SOBP: variants seen among roughly 807,000 people sequenced by gnomAD.
SOBP encodes the protein sine oculis binding protein homolog, also known as sine oculis-binding protein homolog.
In SOBP, 4 loss-of-function variants were observed where a neutral mutation model predicts 53.6. The observed-to-expected ratio is 0.07, with a 90% CI of 0.04 to 0.17. SOBP has a LOEUF of 0.17. SOBP is among the 10% of genes least tolerant of loss of function. The pLI is 1.00. For synonymous variants in SOBP, 584 were observed against 522.6 expected (o/e 1.12, Z -1.60); for missense variants, 1,088 against 1,204.7 (o/e 0.90, Z 1.43).
rs374572179 is a variant in SOBP at position 107,533,619 on chromosome 6, A to C, written c.573+9A>C. The C allele has an allele frequency of 1.9e-6, 3 of 1,613,608 alleles. No individual in the cohort carries two copies. The highest frequency in any genetic ancestry group is 2.5e-6 in the Non-Finnish European group (3 of 1,179,814). On this transcript the variant is annotated intron_variant, in intron 4 of 6. Coordinates refer to ENST00000317357, the MANE Select transcript of SOBP (RefSeq NM_018013.4). The stretch of plus-strand genomic sequence containing the variant: ...ACTTCAAGAGAAATAAGGTAAGAGC[A>C]CCGGAGAGAGAGGCGGCCCCCCACA...
At chr6:107,607,003 A>G (rs1324265645) in intron 5 of SOBP, among the ~76,000 whole-genome samples, 1 of 152,172 alleles carries the variant, frequency 6.6e-6, no homozygotes, top group Non-Finnish European at 1.5e-5. Flanking sequence ...GTCCTGAGAA[A>G]GGGGACTGGG....
chr6:107,614,801 T>C (rs1433700308), intron 5 of SOBP, among the ~76,000 whole-genome samples: 1 of 152,236 alleles, frequency 6.6e-6, no homozygotes, highest in Non-Finnish European at 1.5e-5. Flanking sequence ...GCAAAACCGG[T>C]ATCAAAAGGG....
chr6:107,606,244 T>C (rs1218473980), intron 5 of SOBP, among the ~76,000 whole-genome samples: 2 of 151,880 alleles, frequency 1.3e-5, no homozygotes, highest in Non-Finnish European at 2.9e-5. Flanking sequence ...GCCCAGCTAA[T>C]TTTTGTATTT....
At chr6:107,655,013 A>G (rs1239128996) in intron 6 of SOBP, among the ~76,000 whole-genome samples, 2 of 152,194 alleles carry the variant, frequency 1.3e-5, no homozygotes, top group African/African-American at 4.8e-5. Context: ...GCTGAGAAAC[A>G]GGTCCAAGGT....
intron 5 of SOBP, among the ~76,000 whole-genome samples, chr6:107,594,945 C>G (rs1043503042): frequency 6.6e-6 from 1 of 152,244 alleles, no homozygotes; most frequent in African/African-American, 2.4e-5. Context: ...CAGGCCAACA[C>G]ATGCCGCTGC....
chr6:107,506,872 A>G (rs1280913816), intron 3 of SOBP, among the ~76,000 whole-genome samples: 1 of 152,132 alleles, frequency 6.6e-6, no homozygotes. Context: ...CCTGGCCAAC[A>G]TGATGAAACC....
chr6:107,498,302 TC>T, intron 1 of SOBP, among the ~76,000 whole-genome samples: 1 of 152,338 alleles, frequency 6.6e-6, no homozygotes, highest in East Asian at 1.9e-4. Context: ...TTTGAATACT[TC>T]CTGCTGTCTT....
chr6:107,590,896 C>T (rs992583195), intron 5 of SOBP, among the ~76,000 whole-genome samples: 1 of 152,126 alleles, frequency 6.6e-6, no homozygotes, highest in African/African-American at 2.4e-5. Flanking sequence ...ATAAACATGA[C>T]ATTATTGAGC....
At chr6:107,570,073 G>A (rs920233802) in intron 4 of SOBP, among the ~76,000 whole-genome samples, 1 of 152,192 alleles carries the variant, frequency 6.6e-6, no homozygotes, top group African/African-American at 2.4e-5. Flanking sequence ...TGAGAATAAC[G>A]GGACTGGTTA....
chr6:107,581,398 A>C (rs1785398443), intron 4 of SOBP, among the ~76,000 whole-genome samples: 1 of 152,222 alleles, frequency 6.6e-6, no homozygotes, highest in Admixed American at 6.5e-5. Flanking sequence ...TTCAGACCCG[A>C]GGAGTTGGGC....
chr6:107,635,111 A>G lies in SOBP; in HGVS notation c.2267A>G (p.Lys756Arg), dbSNP rs770734117. The change falls in exon 6 of 7, where the codon AAG becomes AGG. Residue 756 changes from lysine to arginine, a missense_variant. Physicochemically the swap from Lys to Arg is conservative, Grantham distance 26 (BLOSUM62 2). Around this residue, in one of 6 missense-constraint regions of SOBP, gnomAD observed 665 missense variants for 629.7 expected, o/e 1.06. Coordinates refer to ENST00000317357, the MANE Select transcript of SOBP (RefSeq NM_018013.4). This position sits in a 1 kb window ranked among gnomAD's most constrained non-coding sequence, Gnocchi z 4.5. The stretch of plus-strand genomic sequence containing the variant: ...CCGCCGCCGCCCGCGCCCCCCAAGA[A>G]GCTGCTGTCGCCTGAGGAACCGGCG... ...PPPPPPAPPK[K>R]LLSPEEPAVS... The G allele has an allele frequency of 5.0e-6, 8 of 1,610,098 alleles. No homozygotes were observed. In the East Asian group the frequency reaches 1.8e-4, roughly 36 times the overall value.
intron 4 of SOBP, chr6:107,558,039 G>A (rs1175543670): frequency 6.6e-6 from 1 of 151,978 alleles, no homozygotes; most frequent in East Asian, 1.9e-4. Context: ...ATCCTGACAT[G>A]CTTCTGAGAC....
intron 2 of SOBP, among the ~76,000 whole-genome samples, chr6:107,504,278 T>C (rs1782921289): frequency 6.6e-6 from 1 of 152,222 alleles, no homozygotes; most frequent in African/African-American, 2.4e-5. Flanking sequence ...TTGCTTGACA[T>C]TTTCATTCTT....
chr6:107,527,554 A>G (rs1480224296), intron 3 of SOBP, among the ~76,000 whole-genome samples: 1 of 152,158 alleles, frequency 6.6e-6, no homozygotes, highest in Non-Finnish European at 1.5e-5. Context: ...CACTCGTTCT[A>G]AGGAAGGCTC....
intron 5 of SOBP, among the ~76,000 whole-genome samples, chr6:107,589,174 G>GT (rs1471470513): frequency 6.6e-6 from 1 of 152,166 alleles, no homozygotes; most frequent in African/African-American, 2.4e-5. Flanking sequence ...CTGAAGGGTG[G>GT]TTCTGCCATC....
At chr6:107,503,621 T>C (rs1381191105) in intron 1 of SOBP, 36 bp from the exon 2 acceptor site, 2 of 1,611,430 alleles carry the variant, frequency 1.2e-6, no homozygotes, top group Non-Finnish European at 1.7e-6. Flanking sequence ...AGTTATTGAT[T>C]ATAGAAATAA....
At chr6:107,538,314 T>C (rs1784061011) in intron 4 of SOBP, among the ~76,000 whole-genome samples, 1 of 152,224 alleles carries the variant, frequency 6.6e-6, no homozygotes, top group Non-Finnish European at 1.5e-5. Flanking sequence ...GTGATTAACC[T>C]GTCTACTCTT....
At chr6:107,574,896 C>T (rs576283463) in intron 4 of SOBP, among the ~76,000 whole-genome samples, 3 of 152,280 alleles carry the variant, frequency 2.0e-5, no homozygotes, top group East Asian at 3.9e-4. Context: ...TAATTTACCA[C>T]GAAGGGGAGA....
intron 6 of SOBP, among the ~76,000 whole-genome samples, chr6:107,649,554 G>A (rs1771713608): frequency 1.3e-5 from 2 of 151,986 alleles, no homozygotes; most frequent in South Asian, 2.1e-4. Context: ...CCAGGGCATA[G>A]GACCTAGGCT....
Sources: allele counts gnomAD v4.1 joint callset (sites outside exome capture counted in the v4.1 genomes callset), GRCh38; gene constraint gnomAD v4.1.1; regional missense constraint gnomAD v4.1.1; non-coding constraint Gnocchi (gnomAD v3.1); transcripts MANE v1.5; gene names NCBI Gene and HGNC (gene_info 2026-07-23, HGNC 2026-07-21).